ARHGAP44: variants seen among roughly 807,000 people sequenced by gnomAD.
ARHGAP44 encodes rho GTPase-activating protein 44.
A neutral mutation model predicts 106.8 loss-of-function variants in ARHGAP44; 43 were observed. That is an observed-to-expected ratio of 0.40 (90% confidence interval 0.32 to 0.52). The LOEUF (loss-of-function observed/expected upper bound fraction) is 0.52. Ranked by LOEUF, ARHGAP44 falls within the 20% of genes least tolerant of loss-of-function variation. The probability of loss-of-function intolerance (pLI) is 0.48; values close to 1 mark genes in which losing one functional copy is unlikely to be tolerated. For missense variants in ARHGAP44, 866 were observed against 1,050.5 expected (o/e 0.82, Z 2.43); for synonymous variants, 439 against 410.3 (o/e 1.07, Z -0.85).
intron 3 of ARHGAP44, among the ~76,000 whole-genome samples, chr17:12,897,843 G>A (rs548650397): frequency 6.6e-6 from 1 of 151,422 alleles, no homozygotes; most frequent in South Asian, 2.1e-4. Context: ...TTTGGTGTTG[G>A]TAGGCGGATT....
intron 16 of ARHGAP44, among the ~76,000 whole-genome samples, chr17:12,967,101 ATT>A (rs61542489): frequency 2.9e-4 from 36 of 124,718 alleles, no homozygotes; most frequent in South Asian, 7.7e-4. Flanking sequence ...CTTCTTCCTC[ATT>A]TTTTTTTTTT....
chr17:12,989,137 G>C (rs1478188889), intron 20 of ARHGAP44, among the ~76,000 whole-genome samples: 1 of 137,142 alleles, frequency 7.3e-6, no homozygotes, highest in Non-Finnish European at 1.6e-5. Flanking sequence ...TAAGCAGGCG[G>C]AGGAAGGGGA....
At chr17:12,813,481 A>G (rs1010260637) in intron 1 of ARHGAP44, among the ~76,000 whole-genome samples, 30 of 152,216 alleles carry the variant, frequency 2.0e-4, no homozygotes, top group African/African-American at 7.2e-4. Flanking sequence ...GGTGCAATAT[A>G]TGTATGCTTG....
At chr17:12,915,842 C>A in intron 4 of ARHGAP44, 58 bp from the exon 5 acceptor site, 1 of 1,451,568 alleles carries the variant, frequency 6.9e-7, no homozygotes, top group Non-Finnish European at 9.5e-7. Flanking sequence ...GGGAGGGTAA[C>A]GCCAGTGAAA....
intron 3 of ARHGAP44, among the ~76,000 whole-genome samples, chr17:12,903,942 C>T (rs149992594): frequency 2.0e-5 from 3 of 152,282 alleles, no homozygotes; most frequent in Non-Finnish European, 4.4e-5. Context: ...GATAAAGTCC[C>T]TTCACCTTAG....
At position 12,984,887 on chromosome 17, in the gene ARHGAP44, C is replaced by T. The variant is rs566014980; in HGVS notation, c.2296C>T (p.Pro766Ser). The change falls in exon 20 of 21, where the codon CCT becomes TCT. Residue 766 changes from proline (P) to serine (S), a missense_variant. By Grantham distance (74) the Pro-to-Ser change is moderately conservative (BLOSUM62 -1). This residue lies in a region of ARHGAP44 where 418 missense variants were observed against 403.6 expected (regional missense o/e 1.04). Coordinates refer to ENST00000379672, the MANE Select transcript of ARHGAP44 (RefSeq NM_014859.6). The stretch of plus-strand genomic sequence containing the variant: ...GGCCCCCATGCTAGATGGCATGTCC[C>T]CTGGGGAAAGCATGTCTACAGGTAA... Reference protein sequence around the residue: ...TEAPMLDGMSPGESMSTDLVH... With the variant: ...TEAPMLDGMSSGESMSTDLVH... The T allele has an allele frequency of 1.5e-5, 24 of 1,610,940 alleles. No individual in the cohort carries two copies. The highest frequency in any genetic ancestry group is 4.0e-5 in the African/African-American group (3 of 74,986).
At chr17:12,954,787 A>G (rs1380298311) in intron 13 of ARHGAP44, among the ~76,000 whole-genome samples, 1 of 152,056 alleles carries the variant, frequency 6.6e-6, no homozygotes, top group East Asian at 1.9e-4. Context: ...TTGAATTTGC[A>G]CGTAGCTTCT....
intron 1 of ARHGAP44, among the ~76,000 whole-genome samples, chr17:12,875,917 C>T (rs1043549429): frequency 2.6e-5 from 4 of 151,776 alleles, no homozygotes; most frequent in Admixed American, 6.6e-5. Flanking sequence ...GCACTCCAGC[C>T]TGGAGGACAA....
chr17:12,974,338 G>A (rs1161695202), intron 18 of ARHGAP44, 28 bp downstream of exon 18: 12 of 1,383,968 alleles, frequency 8.7e-6, no homozygotes, highest in Non-Finnish European at 1.0e-5. Flanking sequence ...CCGTCCGGGC[G>A]GGCTGGTGTG....
At chr17:12,914,873 A>C (rs1301829621) in intron 4 of ARHGAP44, among the ~76,000 whole-genome samples, 1 of 152,198 alleles carries the variant, frequency 6.6e-6, no homozygotes, top group Non-Finnish European at 1.5e-5. Context: ...CTCAGTATAA[A>C]ACCATGCATG....
At chr17:12,940,941 A>G in intron 7 of ARHGAP44, 115 bp from the exon 8 acceptor site, 1 of 793,158 alleles carries the variant, frequency 1.3e-6, no homozygotes, top group Non-Finnish European at 2.0e-6. Context: ...ATCAAGTATT[A>G]AAAAGGAGAT....
At chr17:12,890,533 G>A (rs553096409) in intron 1 of ARHGAP44, among the ~76,000 whole-genome samples, 54 of 152,154 alleles carry the variant, frequency 3.5e-4, no homozygotes, top group Non-Finnish European at 6.8e-4. Flanking sequence ...AAGGCATCTT[G>A]GGCTAGTCTG....
chr17:12,918,515 T>C (rs891205266), intron 5 of ARHGAP44, among the ~76,000 whole-genome samples: 1 of 151,994 alleles, frequency 6.6e-6, no homozygotes, highest in Non-Finnish European at 1.5e-5. Flanking sequence ...AATGAAAAAA[T>C]ATAAAAAGAG....
chr17:12,817,115 A>G (rs2034620968), intron 1 of ARHGAP44, among the ~76,000 whole-genome samples: 1 of 152,130 alleles, frequency 6.6e-6, no homozygotes, highest in Non-Finnish European at 1.5e-5. Flanking sequence ...TAACAGAAAG[A>G]TAACTAGGAA....
intron 16 of ARHGAP44, among the ~76,000 whole-genome samples, chr17:12,966,965 A>G (rs929805792): frequency 6.6e-6 from 1 of 152,050 alleles, no homozygotes; most frequent in African/African-American, 2.4e-5. Context: ...AGTGTATTCT[A>G]CCTATAGATA....
intron 10 of ARHGAP44, among the ~76,000 whole-genome samples, chr17:12,944,552 C>T (rs1465185090): frequency 1.3e-5 from 2 of 151,582 alleles, no homozygotes; most frequent in Middle Eastern, 3.4e-3. Context: ...GTGGCGCGAT[C>T]TTGGTTCACT....
At chr17:12,909,775 T>A (rs549904250) in intron 4 of ARHGAP44, among the ~76,000 whole-genome samples, 24 of 152,200 alleles carry the variant, frequency 1.6e-4, no homozygotes, top group Non-Finnish European at 2.9e-4. Flanking sequence ...GGTAAGTTTG[T>A]GGTTGAATTT....
chr17:12,978,595 C>G (rs1417837857), intron 18 of ARHGAP44, among the ~76,000 whole-genome samples: 4 of 152,180 alleles, frequency 2.6e-5, no homozygotes, highest in Non-Finnish European at 5.9e-5. Flanking sequence ...TGCTCTATTC[C>G]TATTGGAATT....
chr17:12,880,037 T>C (rs1432314870), intron 1 of ARHGAP44, among the ~76,000 whole-genome samples: 3 of 152,030 alleles, frequency 2.0e-5, no homozygotes, highest in East Asian at 1.9e-4. Context: ...AATGAACTCA[T>C]GTTGTCTGAG....
Sources: allele counts gnomAD v4.1 joint callset (sites outside exome capture counted in the v4.1 genomes callset), GRCh38; gene constraint gnomAD v4.1.1; regional missense constraint gnomAD v4.1.1; transcripts MANE v1.5; gene names NCBI Gene and HGNC (gene_info 2026-07-23, HGNC 2026-07-21).